TTBK2: variants seen among roughly 807,000 people sequenced by gnomAD.
TTBK2 encodes the protein tau-tubulin kinase 2.
Under a neutral mutation model 110.8 loss-of-function variants are expected in TTBK2, and 28 were observed. The observed-to-expected ratio is 0.25, with a 90% confidence interval of 0.19 to 0.35. TTBK2 has a LOEUF of 0.35. Ranked by LOEUF, TTBK2 falls within the 10% of genes least tolerant of loss-of-function variation. The pLI is 1.00. For missense variants in TTBK2, 1,369 were observed against 1,500.3 expected (o/e 0.91, Z 1.45); for synonymous variants, 532 against 527.3 (o/e 1.01, Z -0.12).
intron 13 of TTBK2, among the ~76,000 whole-genome samples, chr15:42,766,643 G>A (rs887514212): frequency 1.3e-5 from 2 of 151,884 alleles, no homozygotes; most frequent in African/African-American, 4.8e-5. Context: ...CAAGTCCTTA[G>A]AGACCTACAA....
intron 1 of TTBK2, among the ~76,000 whole-genome samples, chr15:42,898,466 G>A (rs2141182555): frequency 6.6e-6 from 1 of 151,716 alleles, no homozygotes; most frequent in Non-Finnish European, 1.5e-5. Context: ...AGAGCCAATC[G>A]TGCCACTGCA....
chr15:42,841,906 G>A (rs1893236863), intron 3 of TTBK2, among the ~76,000 whole-genome samples: 1 of 152,188 alleles, frequency 6.6e-6, no homozygotes, highest in South Asian at 2.1e-4. Flanking sequence ...AGTAGACATT[G>A]TAAGTTCAGG....
chr15:42,827,474 C>T (rs909949579), intron 6 of TTBK2, among the ~76,000 whole-genome samples: 32 of 152,042 alleles, frequency 2.1e-4, no homozygotes, highest in African/African-American at 5.8e-4. Context: ...TTGGATTTAA[C>T]AGAAAAAGAT....
intron 13 of TTBK2, among the ~76,000 whole-genome samples, chr15:42,760,733 T>C (rs2062014456): frequency 6.6e-6 from 1 of 152,216 alleles, no homozygotes; most frequent in Non-Finnish European, 1.5e-5. Context: ...GAAGAATTAA[T>C]ATTGCTAAAT....
intron 6 of TTBK2, among the ~76,000 whole-genome samples, chr15:42,824,919 G>C (rs1459541084): frequency 1.3e-5 from 2 of 151,694 alleles, no homozygotes; most frequent in Non-Finnish European, 2.9e-5. Context: ...CAAATCAGGG[G>C]AAAAAGCAAA....
intron 9 of TTBK2, among the ~76,000 whole-genome samples, chr15:42,806,467 G>A (rs1276117527): frequency 6.6e-6 from 1 of 152,072 alleles, no homozygotes; most frequent in Non-Finnish European, 1.5e-5. Flanking sequence ...GCTTTGTGTT[G>A]TACTTAGAAT....
intron 6 of TTBK2, among the ~76,000 whole-genome samples, chr15:42,824,440 C>T (rs1892442990): frequency 6.6e-6 from 1 of 152,142 alleles, no homozygotes; most frequent in Admixed American, 6.5e-5. Context: ...CTGGAGGAAG[C>T]TGGATGAAGG....
intron 13 of TTBK2, among the ~76,000 whole-genome samples, chr15:42,764,910 A>C (rs1341798074): frequency 1.1e-4 from 17 of 152,218 alleles, no homozygotes; most frequent in Non-Finnish European, 2.5e-4. Context: ...AAGCTTCCAG[A>C]GGAAGGATCA....
rs1189649204 is a variant in TTBK2, at chr15:42,811,712, C to G, written c.672G>C (p.Leu224=). 3 of 1,613,490 alleles carry G rather than the reference C, an allele frequency of 1.9e-6. No homozygotes were observed. Among genetic ancestry groups the G allele is most frequent in the Non-Finnish European group, 2.5e-6 (3 of 1,179,738 alleles). The change falls in exon 8 of 15, where the codon CTG becomes CTC. Residue 224 remains leucine, a synonymous_variant. Coordinates refer to ENST00000267890, the MANE Select transcript of TTBK2 (RefSeq NM_173500.4). ...YMLVEFVVGQ[L]PWRKIKDKEQ... ...CCTTGTCCTTTATTTTTCTCCAGGG[C>G]AGCTGACCAACCACAAACTCCACCA...
intron 1 of TTBK2, among the ~76,000 whole-genome samples, chr15:42,916,636 A>G (rs1002403855): frequency 6.6e-6 from 1 of 152,200 alleles, no homozygotes; most frequent in African/African-American, 2.4e-5. Flanking sequence ...CGGCTGAAAA[A>G]TGGTGATAAA....
intron 13 of TTBK2, among the ~76,000 whole-genome samples, chr15:42,764,822 C>T (rs1490692349): frequency 2.6e-5 from 4 of 152,252 alleles, no homozygotes; most frequent in Admixed American, 1.3e-4. Context: ...GTCCCTGACA[C>T]CCGTGTAGCC....
intron 13 of TTBK2, among the ~76,000 whole-genome samples, chr15:42,769,088 T>C (rs1889535433): frequency 6.6e-6 from 1 of 152,184 alleles, no homozygotes; most frequent in South Asian, 2.1e-4. Context: ...ATCCCTTCCA[T>C]ACACCTTATA....
At chr15:42,865,413 T>A (rs1894326830) in intron 3 of TTBK2, among the ~76,000 whole-genome samples, 1 of 151,390 alleles carries the variant, frequency 6.6e-6, no homozygotes, top group Admixed American at 6.6e-5. Flanking sequence ...GAGCCGAGAC[T>A]GCGTCACTGG....
chr15:42,855,382 T>C (rs1650544594), intron 3 of TTBK2, among the ~76,000 whole-genome samples: 1 of 152,294 alleles, frequency 6.6e-6, no homozygotes, highest in East Asian at 1.9e-4. Context: ...ACAGAGTTAC[T>C]AGGAGAAACA....
At chr15:42,918,220 T>C (rs2031186578) in intron 1 of TTBK2, among the ~76,000 whole-genome samples, 1 of 152,122 alleles carries the variant, frequency 6.6e-6, no homozygotes, top group Non-Finnish European at 1.5e-5. Context: ...TGAGCCACCA[T>C]GCCCGGCTAA....
chr15:42,880,955 T>C (rs1354932352), intron 1 of TTBK2, among the ~76,000 whole-genome samples: 1 of 152,044 alleles, frequency 6.6e-6, no homozygotes, highest in Non-Finnish European at 1.5e-5. Flanking sequence ...TTGCATCCAT[T>C]GCATACTGAG....
At chr15:42,886,894 T>C (rs373189218) in intron 1 of TTBK2, among the ~76,000 whole-genome samples, 7 of 152,176 alleles carry the variant, frequency 4.6e-5, no homozygotes, top group South Asian at 2.1e-4. Context: ...CCACTGGAAA[T>C]TGGACTGTCC....
At chr15:42,776,148 G>A (rs762678641) in intron 12 of TTBK2, among the ~76,000 whole-genome samples, 3 of 152,188 alleles carry the variant, frequency 2.0e-5, no homozygotes, top group Non-Finnish European at 4.4e-5. Context: ...CATATGTGAA[G>A]GATTGTTTAA....
chr15:42,857,249 C>T (rs1199399130), intron 3 of TTBK2: 4 of 152,126 alleles, frequency 2.6e-5, no homozygotes, highest in Admixed American at 1.3e-4. Flanking sequence ...GGTGCAGTGG[C>T]TCATGCCTGT....
Sources: gnomAD v4.1 joint callset for allele counts (sites outside exome capture counted in the v4.1 genomes callset) on GRCh38, gnomAD v4.1.1 for gene constraint, MANE v1.5 for transcripts, NCBI Gene and HGNC (gene_info 2026-07-23, HGNC 2026-07-21) for gene names.